Variants in SRD5A1 observed in about 807,000 individuals in gnomAD.
SRD5A1 encodes 3-oxo-5-alpha-steroid 4-dehydrogenase 1.
Under a neutral mutation model 28.2 loss-of-function variants are expected in SRD5A1, and 22 were observed. The ratio of observed to expected loss-of-function variants is 0.78; its 90% CI spans 0.56 to 1.12. The LOEUF (loss-of-function observed/expected upper bound fraction) is 1.12, where lower values mean the gene tolerates loss of function less well. Ranked by LOEUF, SRD5A1 falls within the 50% of genes most tolerant of loss-of-function variation. The pLI is 0.00. For missense variants in SRD5A1, 300 were observed against 346.7 expected (o/e 0.87, Z 1.07); for synonymous variants, 151 against 135.0 (o/e 1.12, Z -0.82).
intron 4 of SRD5A1, among the ~76,000 whole-genome samples, chr5:6,665,025 A>G (rs924477623): frequency 7.2e-5 from 11 of 152,250 alleles, no homozygotes; most frequent in Non-Finnish European, 2.9e-5. Context: ...AGGTCATATG[A>G]GAGTCCTAAG....
intron 3 of SRD5A1, among the ~76,000 whole-genome samples, chr5:6,657,761 G>A (rs1738876375): frequency 6.6e-6 from 1 of 152,204 alleles, no homozygotes; most frequent in African/African-American, 2.4e-5. Flanking sequence ...AAGGCCTGCG[G>A]TGCCTTATAC....
chr5:6,658,685 T>G (rs1053959488), intron 3 of SRD5A1, among the ~76,000 whole-genome samples: 5 of 151,854 alleles, frequency 3.3e-5, no homozygotes, highest in Non-Finnish European at 5.9e-5. Flanking sequence ...ATTTCTCCTC[T>G]CCAAGTACTA....
At chr5:6,659,736 A>G (rs1738949048) in intron 3 of SRD5A1, among the ~76,000 whole-genome samples, 1 of 152,156 alleles carries the variant, frequency 6.6e-6, no homozygotes, top group Admixed American at 6.5e-5. Flanking sequence ...TAGAGGCAGC[A>G]ACACGAGAGG....
At chr5:6,640,310 T>G (rs1738322667) in intron 1 of SRD5A1, among the ~76,000 whole-genome samples, 1 of 152,218 alleles carries the variant, frequency 6.6e-6, no homozygotes, top group Admixed American at 6.5e-5. Context: ...GATAAGGAAC[T>G]ATAAGATGCA....
chr5:6,649,680 G>A (rs1738608650), intron 1 of SRD5A1, among the ~76,000 whole-genome samples: 1 of 152,192 alleles, frequency 6.6e-6, no homozygotes, highest in Non-Finnish European at 1.5e-5. Flanking sequence ...CCCTTGGCTA[G>A]GAAAGGGAAA....
chr5:6,649,723 G>A (rs1037261365), intron 1 of SRD5A1, among the ~76,000 whole-genome samples: 3 of 152,318 alleles, frequency 2.0e-5, no homozygotes, highest in South Asian at 2.1e-4. Context: ...TGGGTGAGGC[G>A]ATGCCCCACC....
chr5:6,643,464 C>T (rs1738420414), intron 1 of SRD5A1, among the ~76,000 whole-genome samples: 1 of 152,116 alleles, frequency 6.6e-6, no homozygotes, highest in African/African-American at 2.4e-5. Context: ...ACCACCACAC[C>T]CAGCTAATTT....
chr5:6,660,790 G>A (rs1738977739), intron 3 of SRD5A1, among the ~76,000 whole-genome samples: 1 of 152,202 alleles, frequency 6.6e-6, no homozygotes, highest in Non-Finnish European at 1.5e-5. Context: ...CCTGAGACTG[G>A]GTAATTTATG....
rs1006303215 is a variant in SRD5A1, at chr5:6,672,632, A to G, written c.*4364A>G. Reference sequence around the variant, plus strand: ...TATCCCTGCTGTTGTCTATATATCAATTTTGTCTACCCAACACAGCTGTAA... The same window carrying G: ...TATCCCTGCTGTTGTCTATATATCAGTTTTGTCTACCCAACACAGCTGTAA... On this transcript the variant is annotated 3_prime_UTR_variant, in exon 5 of 5. Coordinates refer to ENST00000274192, the MANE Select transcript of SRD5A1 (RefSeq NM_001047.4). 3.3e-5 allele frequency: 5 copies of G among 152,190 alleles called. No homozygotes were observed. The highest frequency in any genetic ancestry group is 1.2e-4 in the African/African-American group (5 of 41,430). 9.4% of individuals were successfully genotyped at this position (152,190 alleles called of 1,614,324 possible).
chr5:6,650,115 A>G (rs1420787817), intron 1 of SRD5A1, among the ~76,000 whole-genome samples: 1 of 151,976 alleles, frequency 6.6e-6, no homozygotes, highest in African/African-American at 2.4e-5. Flanking sequence ...GACTTTGTCT[A>G]TTTCATCAAG....
At position 6,670,149 on chromosome 5, in the gene SRD5A1, G is replaced by C. The variant is rs1156372525; in HGVS notation, c.*1881G>C. 1 of 152,342 alleles carries C rather than the reference G, an allele frequency of 6.6e-6. No homozygotes were observed. Among genetic ancestry groups the C allele is most frequent in the Non-Finnish European group, 1.5e-5 (1 of 68,130 alleles). 9.4% of individuals were successfully genotyped at this position (152,342 alleles called of 1,614,324 possible). A position where few individuals can be genotyped will look rare whatever the true frequency, so the allele number is the denominator to read the frequency against. ...GGGGAAGAGAAGGTAGGCTGAGGAG[G>C]TGGCCTTTCCTAACACAAAAATTAA... On this transcript the variant is annotated 3_prime_UTR_variant, in exon 5 of 5. Transcript: ENST00000274192.
At chr5:6,666,209 G>A (rs1246801449) in intron 4 of SRD5A1, among the ~76,000 whole-genome samples, 1 of 151,734 alleles carries the variant, frequency 6.6e-6, no homozygotes, top group Non-Finnish European at 1.5e-5. Flanking sequence ...GTGCAGTGGC[G>A]CGATCTCGGC....
At chr5:6,649,150 G>A (rs1006211549) in intron 1 of SRD5A1, among the ~76,000 whole-genome samples, 1 of 152,180 alleles carries the variant, frequency 6.6e-6, no homozygotes, top group African/African-American at 2.4e-5. Flanking sequence ...CCAGTATGAG[G>A]TGTCTGTCGG....
chr5:6,659,990 T>A (rs1284802350), intron 3 of SRD5A1, among the ~76,000 whole-genome samples: 1 of 152,084 alleles, frequency 6.6e-6, no homozygotes, highest in Admixed American at 6.5e-5. Flanking sequence ...CTCCGTGAGG[T>A]CTTTCAGAAA....
At chr5:6,661,947 A>T (rs1160178980) in intron 3 of SRD5A1, among the ~76,000 whole-genome samples, 1 of 152,154 alleles carries the variant, frequency 6.6e-6, no homozygotes, top group Non-Finnish European at 1.5e-5. Flanking sequence ...CTCTAAACAC[A>T]CTTGAGTAAC....
In SRD5A1 at chr5:6,670,737, C is replaced by T. The variant is rs1019013130; in HGVS notation, c.*2469C>T. 1.3e-5 allele frequency: 2 copies of T among 152,336 alleles called. No individual in the cohort carries two copies. The highest frequency in any genetic ancestry group is 4.1e-4 in the South Asian group (2 of 4,828). The allele number at this position is 152,336 out of a possible 1,614,324, so 9.4% of individuals were successfully genotyped here. ...AAGCAAGGAAAAGGGAAGGGACCCT[C>T]ACTTGTGTCTGATACAGCCATAATC... is the stretch of plus-strand genomic sequence containing the variant. On this transcript the variant is annotated 3_prime_UTR_variant, in exon 5 of 5. Transcript: ENST00000274192.
chr5:6,652,531 A>G lies in SRD5A1; in HGVS notation c.460+523A>G, dbSNP rs550338328. 3.3e-5 allele frequency among the ~76,000 whole-genome samples: 5 copies of G among 152,276 alleles called. No homozygotes were observed. In the South Asian group the frequency reaches 1.0e-3, roughly 32 times the overall value. On this transcript the variant is annotated intron_variant, in intron 2 of 4. Transcript: ENST00000274192. ...AATTATAACTTTTTAAGTTCTAAGC[A>G]AAAATGAAAATAAAACAGCCATCAA... is the stretch of plus-strand genomic sequence containing the variant.
At chr5:6,641,294 C>T (rs964023358) in intron 1 of SRD5A1, among the ~76,000 whole-genome samples, 16 of 152,146 alleles carry the variant, frequency 1.1e-4, no homozygotes, top group Non-Finnish European at 5.9e-5. Flanking sequence ...CCACCCCACG[C>T]GAGTTCCAAA....
In SRD5A1 at chr5:6,633,445, C is replaced by T; in HGVS notation, c.-132C>T. 1 of 1,089,536 alleles carries T rather than the reference C, an allele frequency of 9.2e-7. No individual in the cohort carries two copies. Among genetic ancestry groups the T allele is most frequent in the Non-Finnish European group, 1.2e-6 (1 of 813,050 alleles). The allele number at this position is 1,089,536 out of a possible 1,614,324, so 67.5% of individuals were successfully genotyped here. A position where few individuals can be genotyped will look rare whatever the true frequency, so the allele number is the denominator to read the frequency against. The stretch of plus-strand genomic sequence containing the variant: ...GAGAAGCCTGACTTGAGAACCCTTT[C>T]TGCAGAGTCCCGGCAGTGCGGGACT... On this transcript the variant is annotated 5_prime_UTR_variant, in exon 1 of 5. Coordinates refer to ENST00000274192, the MANE Select transcript of SRD5A1 (RefSeq NM_001047.4).
Sources: gnomAD v4.1 joint callset for allele counts (sites outside exome capture counted in the v4.1 genomes callset) on GRCh38, gnomAD v4.1.1 for gene constraint, MANE v1.5 for transcripts, NCBI Gene and HGNC (gene_info 2026-07-23, HGNC 2026-07-21) for gene names.